MED17: variants seen among roughly 807,000 people sequenced by gnomAD.
MED17 encodes the protein mediator of RNA polymerase II transcription subunit 17.
Under a neutral mutation model 80.8 loss-of-function variants are expected in MED17, and 49 were observed. The observed-to-expected ratio is 0.61, with a 90% CI of 0.48 to 0.77. The LOEUF (loss-of-function observed/expected upper bound fraction) is 0.77, where lower values mean the gene tolerates loss of function less well. MED17 is among the 30% of genes least tolerant of loss of function. MED17 has a pLI of 0.00. For missense variants in MED17, 718 were observed against 787.0 expected (o/e 0.91, Z 1.05); for synonymous variants, 281 against 280.4 (o/e 1.00, Z -0.02).
chr11:93,794,938 C>T lies in MED17; in HGVS notation c.890C>T (p.Ala297Val), dbSNP rs143018025. 1.5e-5 allele frequency: 25 copies of T among 1,614,078 alleles called. No individual in the cohort carries two copies. In the East Asian group the frequency reaches 1.8e-4, roughly 12 times the overall value. ...CCACATTGGCAGACAAAATTAGAAGCGGCACAGAATGTTCTCTTATGTAAA... is the reference window on the plus strand; with the variant it reads ...CCACATTGGCAGACAAAATTAGAAGTGGCACAGAATGTTCTCTTATGTAAA... The part of the protein sequence containing the change: ...GSPHWQTKLE[A>V]AQNVLLCKEI... The change falls in exon 6 of 12, where the codon GCG (alanine) becomes GTG (valine). Residue 297 changes from alanine (A) to valine (V), a missense_variant. Transcript: ENST00000251871.
intron 9 of MED17, among the ~76,000 whole-genome samples, chr11:93,805,580 CA>C (rs1010783367): frequency 2.7e-4 from 41 of 151,092 alleles, no homozygotes; most frequent in Non-Finnish European, 5.0e-4. Flanking sequence ...GATCCTGTCT[CA>C]AAAAAAAGAT....
At chr11:93,795,290 T>A in intron 6 of MED17, 1 of 584,560 alleles carries the variant, frequency 1.7e-6, no homozygotes, top group African/African-American at 1.9e-5. Flanking sequence ...AATTTGCACT[T>A]ATGTAGTCAT....
chr11:93,784,987 T>G, intron 1 of MED17: 2 of 637,378 alleles, frequency 3.1e-6, no homozygotes, highest in East Asian at 5.5e-5. Flanking sequence ...TGGCAGCGTT[T>G]AGAGACACTG....
rs372622191 is a variant in MED17, at chr11:93,801,950, C to G, written c.1444C>G (p.Gln482Glu). 1 of 1,612,246 alleles carries G rather than the reference C, an allele frequency of 6.2e-7. No individual in the cohort carries two copies. The highest frequency in any genetic ancestry group is 8.5e-7 in the Non-Finnish European group (1 of 1,179,568). Residue 482 changes from glutamine (Q) to glutamate (E), a missense_variant, in exon 9 of 12, where the codon CAA becomes GAA. By Grantham distance (29) the Gln-to-Glu change is conservative. Coordinates refer to ENST00000251871, the MANE Select transcript of MED17 (RefSeq NM_004268.5). ...TAGTGTGAAAGTTTTAATCACATCA[C>G]AAGGCTATGAACAAATATGCAAGTA... ...ESSVKVLITS[Q>E]GYEQICKSIQ...
chr11:93,805,529 T>G (rs1047935024), intron 9 of MED17, among the ~76,000 whole-genome samples: 1 of 152,120 alleles, frequency 6.6e-6, no homozygotes, highest in African/African-American at 2.4e-5. Flanking sequence ...TACAGTGAGC[T>G]GAGATTGTGC....
chr11:93,798,843 A>T (rs896558151), intron 8 of MED17, among the ~76,000 whole-genome samples: 1 of 152,212 alleles, frequency 6.6e-6, no homozygotes, highest in Admixed American at 6.5e-5. Flanking sequence ...TCAACTTAAA[A>T]AGCTGATAAT....
chr11:93,794,614 C>G, intron 5 of MED17: 1 of 458,464 alleles, frequency 2.2e-6, no homozygotes, highest in South Asian at 2.3e-5. Context: ...TGAGGTTTAT[C>G]TGTGGCATGA....
intron 9 of MED17, chr11:93,806,371 A>T (rs1944025881): frequency 6.6e-6 from 1 of 152,234 alleles, no homozygotes; most frequent in Admixed American, 6.5e-5. Flanking sequence ...CCATTATTAA[A>T]TGTGAGAGGA....
intron 5 of MED17, chr11:93,794,284 A>C: frequency 2.7e-6 from 1 of 369,904 alleles, no homozygotes; most frequent in South Asian, 2.5e-5. Flanking sequence ...GGCTCACCGC[A>C]ACGTCTACCT....
chr11:93,790,731 A>C lies in MED17; in HGVS notation c.575A>C (p.Gln192Pro). ...AATTCTGAGCTTTTGCGATTACGGC[A>C]ACACTGGAAACTTCGAAAAGTTGGA... is the stretch of plus-strand genomic sequence containing the variant. ...DFNSELLRLR[Q>P]HWKLRKVGDK... Residue 192 changes from glutamine to proline, a missense_variant, in exon 3 of 12, where the codon CAA becomes CCA. Physicochemically the swap from Gln to Pro is moderately conservative, Grantham distance 76 (BLOSUM62 -1). Coordinates refer to ENST00000251871, the MANE Select transcript of MED17 (RefSeq NM_004268.5). 6.2e-7 allele frequency: 1 copy of C among 1,614,270 alleles called. No individual in the cohort carries two copies. Among genetic ancestry groups the C allele is most frequent in the Non-Finnish European group, 8.5e-7 (1 of 1,180,050 alleles).
At chr11:93,794,143 C>G in intron 5 of MED17, 108 bp downstream of exon 5, 1 of 875,592 alleles carries the variant, frequency 1.1e-6, no homozygotes, top group Non-Finnish European at 1.9e-6. Flanking sequence ...GAAGTAAGAA[C>G]AATTCAAAAT....
intron 1 of MED17, among the ~76,000 whole-genome samples, chr11:93,787,273 C>T (rs953485704): frequency 4.6e-5 from 7 of 151,948 alleles, no homozygotes; most frequent in South Asian, 4.2e-4. Flanking sequence ...ATTAGCTGGG[C>T]GTGGTGGTGG....
At position 93,809,418 on chromosome 11, in the gene MED17, T is replaced by TA. The variant is rs35841802; in HGVS notation, c.1585-298dup. 7.2e-3 allele frequency: 3,080 copies of TA among 430,318 alleles called. 101 individuals are homozygous for TA. The highest frequency in any genetic ancestry group is 0.056 in the East Asian group (1,123 of 20,040). The allele number at this position is 430,318 out of a possible 1,614,324, so 26.7% of individuals were successfully genotyped here. A position where few individuals can be genotyped will look rare whatever the true frequency, so the allele number is the denominator to read the frequency against. On this transcript the variant is annotated intron_variant, in intron 10 of 11. Transcript: ENST00000251871. ...GCAGTGGATTTGAAGGGGCAAATGTTACACCATATTCAGTGATCTAGATGA... is the reference window on the plus strand; with the variant it reads ...GCAGTGGATTTGAAGGGGCAAATGTTAACACCATATTCAGTGATCTAGATGA...
intron 1 of MED17, among the ~76,000 whole-genome samples, chr11:93,785,876 C>T (rs192543556): frequency 3.9e-5 from 6 of 152,144 alleles, no homozygotes; most frequent in South Asian, 2.1e-4. Flanking sequence ...TGGTGGTGCA[C>T]GTCTGTGGTC....
intron 3 of MED17, among the ~76,000 whole-genome samples, chr11:93,793,011 G>A (rs1357964526): frequency 1.3e-5 from 2 of 151,308 alleles, no homozygotes; most frequent in African/African-American, 2.4e-5. Flanking sequence ...ACTATCCTCT[G>A]TCTTTCTGTT....
intron 9 of MED17, among the ~76,000 whole-genome samples, chr11:93,804,026 T>C (rs1460253136): frequency 1.1e-3 from 12 of 11,316 alleles, no homozygotes; most frequent in African/African-American, 1.6e-3. Context: ...TATATATATA[T>C]ACACACACAC....
rs766912963 is a variant in MED17, at chr11:93,784,483, G to T, written c.-31G>T. ...GTACCTCGTTTTTTGGCTCGTGGGG[G>T]GTCCTCCCACCGCTGGCCGACGCAG... On this transcript the variant is annotated 5_prime_UTR_variant, in exon 1 of 12. Transcript: ENST00000251871. The T allele has an allele frequency of 1.3e-6, 2 of 1,580,526 alleles. No homozygotes were observed. Among genetic ancestry groups the T allele is most frequent in the African/African-American group, 2.7e-5 (2 of 74,408 alleles).
rs553260699 is a variant in MED17 at position 93,814,019 on chromosome 11, C to G, written c.*1955C>G. The G allele has an allele frequency of 6.6e-6, 1 of 152,324 alleles. No individual in the cohort carries two copies. The highest frequency in any genetic ancestry group is 2.1e-4 in the South Asian group (1 of 4,834). 9.4% of individuals were successfully genotyped at this position (152,324 alleles called of 1,614,324 possible). A position where few individuals can be genotyped will look rare whatever the true frequency, so the allele number is the denominator to read the frequency against. On this transcript the variant is annotated 3_prime_UTR_variant, in exon 12 of 12. Transcript: ENST00000251871. The stretch of plus-strand genomic sequence containing the variant: ...CATAAGCCACAGTGCCCAGCCCCCC[C>G]AAATATAAACATTTCTGAATGCTTT...
In MED17 at chr11:93,809,837, A is replaced by C; in HGVS notation, c.1705A>C (p.Ile569Leu). Residue 569 changes from isoleucine (I) to leucine (L), a missense_variant, in exon 11 of 12, where the codon ATC becomes CTC. Transcript: ENST00000251871. Reference sequence around the variant, plus strand: ...AGAGAGCATTGGTAATGCATCTGCCATCACGGTGGCCTCCCCAAGTGGTGA... The same window carrying C: ...AGAGAGCATTGGTAATGCATCTGCCCTCACGGTGGCCTCCCCAAGTGGTGA... ...PIESIGNASA[I>L]TVASPSGDYA... The C allele has an allele frequency of 2.5e-6, 4 of 1,614,166 alleles. No homozygotes were observed. The highest frequency in any genetic ancestry group is 1.3e-5 in the African/African-American group (1 of 75,044).
Sources: allele counts gnomAD v4.1 joint callset (sites outside exome capture counted in the v4.1 genomes callset), GRCh38; gene constraint gnomAD v4.1.1; transcripts MANE v1.5; gene names NCBI Gene and HGNC (gene_info 2026-07-23, HGNC 2026-07-21).